Variants in KCNQ1 observed in about 807,000 individuals in gnomAD.
The protein encoded by KCNQ1 is potassium voltage-gated channel subfamily Q member 1, also known as potassium voltage-gated channel subfamily KQT member 1.
KCNQ1 carries 49 observed loss-of-function variants against 72.4 expected under a neutral mutation model. That is an observed-to-expected ratio of 0.68 (90% CI 0.54 to 0.86). The LOEUF is 0.86. Among genes scored for constraint, KCNQ1 ranks in the 40% least tolerant of loss-of-function variants. The pLI is 0.00. For missense variants in KCNQ1, 790 were observed against 945.1 expected, an observed-to-expected ratio of 0.84 and a Z score of 2.15; for synonymous variants, 450 against 412.6, an observed-to-expected ratio of 1.09 and a Z score of -1.10.
intron 2 of KCNQ1, among the ~76,000 whole-genome samples, chr11:2,534,986 T>C (rs1227908103): frequency 2.6e-5 from 4 of 152,194 alleles, no homozygotes; most frequent in African/African-American, 9.6e-5. Context: ...ACTGAGCCCC[T>C]GGAGCTAGGC....
At position 2,682,183 on chromosome 11, in the gene KCNQ1, C is replaced by T. The variant is rs1239795732; in HGVS notation, c.1514+20102C>T. 1.8e-5 allele frequency: 7 copies of T among 398,484 alleles called. No individual in the cohort carries two copies. Among genetic ancestry groups the T allele is most frequent in the Non-Finnish European group, 2.7e-5 (6 of 226,078 alleles). The allele number at this position is 398,484 out of a possible 1,614,324, so 24.7% of individuals were successfully genotyped here. Reference sequence around the variant, plus strand: ...ACATATCAAGCTCTCTCCTGACCTTCTCTCCCCTTCCCCAGGCCAGGACTG... The same window carrying T: ...ACATATCAAGCTCTCTCCTGACCTTTTCTCCCCTTCCCCAGGCCAGGACTG... On this transcript the variant is annotated intron_variant, in intron 11 of 15. Coordinates refer to ENST00000155840, the MANE Select transcript of KCNQ1 (RefSeq NM_000218.3). The surrounding 1 kb of genome is among the most constrained non-coding windows in gnomAD (Gnocchi z 5.8).
In KCNQ1 at chr11:2,647,808, C is replaced by A; in HGVS notation, c.1394-14153C>A. The A allele has an allele frequency of 2.5e-6, 1 of 398,404 alleles. No individual in the cohort carries two copies. Among genetic ancestry groups the A allele is most frequent in the Non-Finnish European group, 4.4e-6 (1 of 226,026 alleles). 24.7% of individuals were successfully genotyped at this position (398,404 alleles called of 1,614,324 possible). A position where few individuals can be genotyped will look rare whatever the true frequency, so the allele number is the denominator to read the frequency against. On this transcript the variant is annotated intron_variant, in intron 10 of 15. Transcript: ENST00000155840. The surrounding 1 kb of genome is among the most constrained non-coding windows in gnomAD (Gnocchi z 4.0). ...GTTGTTCATAATGGTCTCTAATAAT[C>A]TTTTGTATTTCTGTGGTGTCCATTG...
chr11:2,717,092 C>T (rs1428835154), intron 11 of KCNQ1, among the ~76,000 whole-genome samples: 1 of 152,206 alleles, frequency 6.6e-6, no homozygotes, highest in Non-Finnish European at 1.5e-5. Flanking sequence ...GTGGCCGGGG[C>T]TCTGCTCAGG....
Position 2,508,023 on chromosome 11 carries a change from G to A in KCNQ1, c.387-19905G>A, listed in dbSNP as rs992406367. On this transcript the variant is annotated intron_variant, in intron 1 of 15. Transcript: ENST00000155840. This position sits in a 1 kb window ranked among gnomAD's most constrained non-coding sequence, Gnocchi z 6.2. ...CTGGGTCCTGGTGGGTCCCAGCCCC[G>A]TACATGGAGGCTGGGACCCTGCCCT... 4.0e-5 allele frequency among the ~76,000 whole-genome samples: 6 copies of A among 151,712 alleles called. No homozygotes were observed. Among genetic ancestry groups the A allele is most frequent in the South Asian group, 2.1e-4 (1 of 4,760 alleles).
rs1013341927 is a variant in KCNQ1, at chr11:2,536,019, C to T, written c.477+8001C>T. Among the ~76,000 whole-genome samples, 1 of 152,162 alleles carries T rather than the reference C, an allele frequency of 6.6e-6. No homozygotes were observed. Among genetic ancestry groups the T allele is most frequent in the South Asian group, 2.1e-4 (1 of 4,826 alleles). ...ATGAAGACCCGGTGGTTCTGTTCCC[C>T]CGGGACAGCCTTGGTCCAGCCTCAC... is the stretch of plus-strand genomic sequence containing the variant. On this transcript the variant is annotated intron_variant, in intron 2 of 15. Transcript: ENST00000155840. The surrounding 1 kb of genome is among the most constrained non-coding windows in gnomAD (Gnocchi z 7.4).
At chr11:2,832,254 T>C (rs1165945094) in intron 15 of KCNQ1, among the ~76,000 whole-genome samples, 4 of 152,274 alleles carry the variant, frequency 2.6e-5, no homozygotes, top group Middle Eastern at 6.8e-3. Flanking sequence ...AGAGAAGCCT[T>C]GGACCTGGCC....
rs201773139 is a variant in KCNQ1 at position 2,471,805 on chromosome 11, GGT to G, written c.386+26329_386+26330del. Among the ~76,000 whole-genome samples the G allele has an allele frequency of 5.2e-4, 72 of 139,652 alleles. No homozygotes were observed. Among genetic ancestry groups the G allele is most frequent in the Middle Eastern group, 9.2e-3 (2 of 218 alleles). The allele number at this position is 139,652 out of a possible 152,430, so 91.6% of individuals were successfully genotyped here. On this transcript the variant is annotated intron_variant, in intron 1 of 15. Transcript: ENST00000155840. This position sits in a 1 kb window ranked among gnomAD's most constrained non-coding sequence, Gnocchi z 4.8. The stretch of plus-strand genomic sequence containing the variant: ...GATTGGGTGTGTGCATGTGTATATA[GGT>G]GTGTGTGCACGTGTATGGGTGCGTG...
At chr11:2,802,898 C>T (rs188788243) in intron 15 of KCNQ1, among the ~76,000 whole-genome samples, 2 of 152,224 alleles carry the variant, frequency 1.3e-5, no homozygotes, top group African/African-American at 2.4e-5. Context: ...CCCCAGCAGA[C>T]CCTACAGCGC....
chr11:2,486,404 A>C lies in KCNQ1; in HGVS notation c.386+40920A>C, dbSNP rs1846741249. On this transcript the variant is annotated intron_variant, in intron 1 of 15. Transcript: ENST00000155840. This position sits in a 1 kb window ranked among gnomAD's most constrained non-coding sequence, Gnocchi z 5.0. ...TATATATTCTGGATATTAATCCCTT[A>C]TCAGATATAGGATTTGCAAATATTT... 6.6e-6 allele frequency among the ~76,000 whole-genome samples: 1 copy of C among 152,126 alleles called. No homozygotes were observed. Among genetic ancestry groups the C allele is most frequent in the East Asian group, 1.9e-4 (1 of 5,190 alleles).
chr11:2,673,188 G>A lies in KCNQ1; in HGVS notation c.1514+11107G>A. On this transcript the variant is annotated intron_variant, in intron 11 of 15. Coordinates refer to ENST00000155840, the MANE Select transcript of KCNQ1 (RefSeq NM_000218.3). The surrounding 1 kb of genome is among the most constrained non-coding windows in gnomAD (Gnocchi z 4.5). Reference sequence around the variant, plus strand: ...GATCAGAATGGGCCCTGGAGCCAAGGCCAAAAGCCGAACTGTGACTAGGCA... The same window carrying A: ...GATCAGAATGGGCCCTGGAGCCAAGACCAAAAGCCGAACTGTGACTAGGCA... The A allele has an allele frequency of 2.5e-6, 1 of 398,726 alleles. No individual in the cohort carries two copies. Among genetic ancestry groups the A allele is most frequent in the Non-Finnish European group, 4.4e-6 (1 of 226,146 alleles). 24.7% of individuals were successfully genotyped at this position (398,726 alleles called of 1,614,324 possible).
At chr11:2,589,795 A>G (rs1339371925) in intron 10 of KCNQ1, among the ~76,000 whole-genome samples, 1 of 152,178 alleles carries the variant, frequency 6.6e-6, no homozygotes, top group Non-Finnish European at 1.5e-5. Context: ...GCCTCCCCAC[A>G]CTGCTCCAGG....
chr11:2,768,410 G>A lies in KCNQ1; in HGVS notation c.1515-434G>A, dbSNP rs898722333. Among the ~76,000 whole-genome samples the A allele has an allele frequency of 6.6e-6, 1 of 152,158 alleles. No homozygotes were observed. The highest frequency in any genetic ancestry group is 1.5e-5 in the Non-Finnish European group (1 of 68,026). On this transcript the variant is annotated intron_variant, in intron 11 of 15. Transcript: ENST00000155840. This position sits in a 1 kb window ranked among gnomAD's most constrained non-coding sequence, Gnocchi z 6.7. The stretch of plus-strand genomic sequence containing the variant: ...TTCCCAAGCGCTTGCTGTTTGTGGG[G>A]CTACAGGACACAGCAGCTGAAAGGG...
chr11:2,799,902 C>T (rs1847225079), intron 15 of KCNQ1, among the ~76,000 whole-genome samples: 1 of 152,092 alleles, frequency 6.6e-6, no homozygotes, highest in African/African-American at 2.4e-5. Flanking sequence ...CTCCAAGTGT[C>T]CCACGCCTGC....
At chr11:2,528,339 A>G (rs1847546629) in intron 2 of KCNQ1, among the ~76,000 whole-genome samples, 1 of 152,124 alleles carries the variant, frequency 6.6e-6, no homozygotes, top group South Asian at 2.1e-4. Context: ...GTGGCCAGCA[A>G]AGGCCTGCCC....
At position 2,642,008 on chromosome 11, in the gene KCNQ1, A is replaced by C; in HGVS notation, c.1394-19953A>C. On this transcript the variant is annotated intron_variant, in intron 10 of 15. Transcript: ENST00000155840. This position sits in a 1 kb window ranked among gnomAD's most constrained non-coding sequence, Gnocchi z 4.3. ...GTCTATCAGTTTTTATTCCAATACCATGCTGCTTTTAATGCTATAGCCTTA... is the reference window on the plus strand; with the variant it reads ...GTCTATCAGTTTTTATTCCAATACCCTGCTGCTTTTAATGCTATAGCCTTA... The C allele has an allele frequency of 2.5e-6, 1 of 398,406 alleles. No individual in the cohort carries two copies. The highest frequency in any genetic ancestry group is 4.4e-6 in the Non-Finnish European group (1 of 225,940). The allele number at this position is 398,406 out of a possible 1,614,324, so 24.7% of individuals were successfully genotyped here.
chr11:2,743,123 AGATCT>A (rs1846083086), intron 11 of KCNQ1, among the ~76,000 whole-genome samples: 1 of 152,216 alleles, frequency 6.6e-6, no homozygotes, highest in Non-Finnish European at 1.5e-5. Flanking sequence ...ACAATTGGGC[AGATCT>A]GGGCCTGGAG....
chr11:2,627,910 C>A lies in KCNQ1; in HGVS notation c.1394-34051C>A. 2.5e-6 allele frequency: 1 copy of A among 398,484 alleles called. No homozygotes were observed. The highest frequency in any genetic ancestry group is 4.4e-6 in the Non-Finnish European group (1 of 226,112). The allele number at this position is 398,484 out of a possible 1,614,324, so 24.7% of individuals were successfully genotyped here. The stretch of plus-strand genomic sequence containing the variant: ...GGACCACAGTCATGCACCCCCATGC[C>A]CAGCTAATTTTTAAAATTTTATGTA... On this transcript the variant is annotated intron_variant, in intron 10 of 15. Coordinates refer to ENST00000155840, the MANE Select transcript of KCNQ1 (RefSeq NM_000218.3). The surrounding 1 kb of genome is among the most constrained non-coding windows in gnomAD (Gnocchi z 4.9).
chr11:2,634,828 T>G (rs1459930725), intron 10 of KCNQ1: 1 of 152,170 alleles, frequency 6.6e-6, no homozygotes, highest in Non-Finnish European at 1.5e-5. Context: ...TCTCCACATC[T>G]TCTCCAGCAC....
At chr11:2,751,649 G>T (rs749887073) in intron 11 of KCNQ1, among the ~76,000 whole-genome samples, 4 of 152,262 alleles carry the variant, frequency 2.6e-5, no homozygotes, top group Non-Finnish European at 5.9e-5. Context: ...TTCTGAGAGC[G>T]GTGGCTGTCC....
Sources: allele counts gnomAD v4.1 joint callset (sites outside exome capture counted in the v4.1 genomes callset), GRCh38; gene constraint gnomAD v4.1.1; non-coding constraint Gnocchi (gnomAD v3.1); transcripts MANE v1.5; gene names NCBI Gene and HGNC (gene_info 2026-07-23, HGNC 2026-07-21).